CMSS1: variants seen among roughly 807,000 people sequenced by gnomAD.
The protein encoded by CMSS1 is cms1 ribosomal small subunit homolog.
CMSS1 carries 33 observed loss-of-function variants against 43.5 expected under a neutral mutation model. The observed-to-expected ratio is 0.76, with a 90% CI of 0.57 to 1.01. The LOEUF (loss-of-function observed/expected upper bound fraction) is 1.01, where lower values mean the gene tolerates loss of function less well. Among genes scored for constraint, CMSS1 ranks in the 50% least tolerant of loss-of-function variants. The pLI is 0.00. For missense variants in CMSS1, 313 were observed against 326.4 expected, an observed-to-expected ratio of 0.96 and a Z score of 0.32; for synonymous variants, 115 against 117.2, an observed-to-expected ratio of 0.98 and a Z score of 0.12.
chr3:100,123,974 G>A (rs895801929), intron 1 of CMSS1, among the ~76,000 whole-genome samples: 3 of 152,184 alleles, frequency 2.0e-5, no homozygotes, highest in African/African-American at 7.2e-5. Context: ...GGGAGAATTA[G>A]AGATAGCACT....
chr3:99,822,045 C>G (rs1386493047), intron 1 of CMSS1, among the ~76,000 whole-genome samples: 1 of 150,438 alleles, frequency 6.6e-6, no homozygotes, highest in Non-Finnish European at 1.5e-5. Context: ...GACTCTGTCT[C>G]AAAAAAAAGA....
chr3:100,018,259 G>A (rs554602050), intron 1 of CMSS1, among the ~76,000 whole-genome samples: 65 of 152,324 alleles, frequency 4.3e-4, no homozygotes, highest in African/African-American at 1.4e-3. Flanking sequence ...CCAGGAGGCA[G>A]AGGTTACAGT....
At chr3:100,145,339 T>C (rs1412518990) in intron 1 of CMSS1, among the ~76,000 whole-genome samples, 1 of 151,790 alleles carries the variant, frequency 6.6e-6, no homozygotes, top group Admixed American at 6.6e-5. Flanking sequence ...TCCCAGCTAC[T>C]CGGGAGGCTG....
At chr3:99,957,693 C>CTTTCTTTTTTTTTTTTTTTTTTT in intron 1 of CMSS1, among the ~76,000 whole-genome samples, 2 of 19,894 alleles carry the variant, frequency 1.0e-4, no homozygotes, top group Non-Finnish European at 2.2e-4. Flanking sequence ...TTCTTTCTTT[C>CTTTCTTTTTTTTTTTTTTTTTTT]TTTTTTTTTT....
At chr3:99,847,806 G>T (rs1400137324) in intron 1 of CMSS1, 2 of 278,934 alleles carry the variant, frequency 7.2e-6, no homozygotes, top group Non-Finnish European at 1.1e-5. Context: ...ACCATAAATG[G>T]GACATAGGTC....
At chr3:99,915,691 C>G (rs537243920) in intron 1 of CMSS1, among the ~76,000 whole-genome samples, 26 of 151,498 alleles carry the variant, frequency 1.7e-4, no homozygotes, top group Non-Finnish European at 3.8e-4. Flanking sequence ...AGTGTTAGAT[C>G]ATTAGGACAT....
At chr3:100,176,215 G>A in intron 8 of CMSS1, 112 bp from the exon 9 acceptor site, 1 of 671,478 alleles carries the variant, frequency 1.5e-6, no homozygotes, top group Admixed American at 2.7e-5. Flanking sequence ...ATTAGTTACT[G>A]GGGGAGAGGA....
At chr3:99,987,141 GATC>G (rs1384346088) in intron 1 of CMSS1, among the ~76,000 whole-genome samples, 1 of 151,514 alleles carries the variant, frequency 6.6e-6, no homozygotes, top group African/African-American at 2.4e-5. Context: ...GAGGCAGGAG[GATC>G]ACTTAAGCCC....
chr3:99,916,177 A>G (rs1706943915), intron 1 of CMSS1, among the ~76,000 whole-genome samples: 1 of 152,170 alleles, frequency 6.6e-6, no homozygotes, highest in Admixed American at 6.5e-5. Flanking sequence ...ATCTGTTGAG[A>G]GCCAGAATGG....
chr3:99,968,072 A>G (rs980194879), intron 1 of CMSS1, among the ~76,000 whole-genome samples: 2 of 152,230 alleles, frequency 1.3e-5, no homozygotes, highest in Non-Finnish European at 2.9e-5. Flanking sequence ...GAAAACATGT[A>G]CAAAGAGATA....
At chr3:100,123,465 A>C (rs1350983721) in intron 1 of CMSS1, among the ~76,000 whole-genome samples, 1 of 152,194 alleles carries the variant, frequency 6.6e-6, no homozygotes, top group Non-Finnish European at 1.5e-5. Context: ...GTATAAAAGC[A>C]GACTGCTGCG....
chr3:99,845,960 A>T (rs1318219525), intron 1 of CMSS1, among the ~76,000 whole-genome samples: 1 of 152,228 alleles, frequency 6.6e-6, no homozygotes, highest in African/African-American at 2.4e-5. Flanking sequence ...AATCTGGAAC[A>T]AATGATTAAA....
intron 1 of CMSS1, among the ~76,000 whole-genome samples, chr3:99,923,359 A>C (rs1707183378): frequency 6.6e-6 from 1 of 152,192 alleles, no homozygotes; most frequent in Non-Finnish European, 1.5e-5. Context: ...TGTCTAAACC[A>C]GGACTCATCT....
intron 1 of CMSS1, among the ~76,000 whole-genome samples, chr3:100,139,754 G>A (rs372495635): frequency 1.4e-5 from 2 of 143,986 alleles, no homozygotes; most frequent in Non-Finnish European, 1.5e-5. Flanking sequence ...CTGAGATCGC[G>A]CCATTGCACT....
intron 1 of CMSS1, among the ~76,000 whole-genome samples, chr3:100,127,407 T>C (rs1174582853): frequency 1.3e-5 from 2 of 152,168 alleles, no homozygotes; most frequent in Admixed American, 1.3e-4. Context: ...ATGTCGTCTT[T>C]CCCAGGATGG....
chr3:100,017,743 A>G (rs1710386238), intron 1 of CMSS1, among the ~76,000 whole-genome samples: 1 of 151,776 alleles, frequency 6.6e-6, no homozygotes. Context: ...GAGGCAACAA[A>G]GTGAGACACT....
chr3:99,920,544 T>C (rs1197829471), intron 1 of CMSS1, among the ~76,000 whole-genome samples: 1 of 152,212 alleles, frequency 6.6e-6, no homozygotes, highest in East Asian at 1.9e-4. Flanking sequence ...TCAGTGAACG[T>C]TGTCATGAAA....
intron 2 of CMSS1, among the ~76,000 whole-genome samples, chr3:100,157,230 C>T (rs1019538927): frequency 6.6e-6 from 1 of 152,014 alleles, no homozygotes; most frequent in Non-Finnish European, 1.5e-5. Context: ...TTCCACATTT[C>T]TTATTTGTTT....
intron 1 of CMSS1, among the ~76,000 whole-genome samples, chr3:100,130,405 C>T (rs554559191): frequency 6.6e-6 from 1 of 152,266 alleles, no homozygotes; most frequent in South Asian, 2.1e-4. Context: ...GCACAACAAA[C>T]TTTTTATCTG....
Sources: allele counts gnomAD v4.1 joint callset (sites outside exome capture counted in the v4.1 genomes callset), GRCh38; gene constraint gnomAD v4.1.1; transcripts MANE v1.5; gene names NCBI Gene and HGNC (gene_info 2026-07-23, HGNC 2026-07-21).